Variants in CUBN observed in about 807,000 individuals in gnomAD.
The protein encoded by CUBN is 460 kDa receptor.
CUBN carries 282 observed loss-of-function variants against 405.3 expected under a neutral mutation model. The ratio of observed to expected loss-of-function variants is 0.70; its 90% confidence interval spans 0.63 to 0.77. CUBN has a LOEUF of 0.77. Ranked by LOEUF, CUBN falls within the 30% of genes least tolerant of loss-of-function variation. The pLI, the probability that CUBN is intolerant of heterozygous loss-of-function variation, is 0.00. For missense variants in CUBN, 4,514 were observed against 4,475.2 expected (o/e 1.01, Z -0.25); for synonymous variants, 1,684 against 1,617.0 (o/e 1.04, Z -0.99).
chr10:17,106,320 C>A (rs1029982373), intron 10 of CUBN, among the ~76,000 whole-genome samples: 2 of 149,072 alleles, frequency 1.3e-5, no homozygotes, highest in East Asian at 2.0e-4. Flanking sequence ...AATAATAATA[C>A]TAATAAAGAG....
intron 43 of CUBN, among the ~76,000 whole-genome samples, chr10:16,923,118 G>A (rs917777723): frequency 6.6e-5 from 10 of 152,030 alleles, no homozygotes; most frequent in South Asian, 4.2e-4. Context: ...GATTACAGGC[G>A]TGAACCACCG....
chr10:17,091,225 C>T (rs932743242), intron 14 of CUBN, among the ~76,000 whole-genome samples: 10 of 152,146 alleles, frequency 6.6e-5, no homozygotes, highest in South Asian at 4.1e-4. Context: ...TATTAACAAA[C>T]ACAACAAACA....
intron 32 of CUBN, 134 bp downstream of exon 32, chr10:16,954,255 T>C: frequency 1.9e-6 from 2 of 1,038,238 alleles, no homozygotes; most frequent in East Asian, 2.4e-5. Context: ...CACAGTTCTT[T>C]TGTTCTATTT....
intron 31 of CUBN, among the ~76,000 whole-genome samples, chr10:16,968,499 C>T (rs1055178022): frequency 2.6e-5 from 4 of 152,222 alleles, no homozygotes; most frequent in Non-Finnish European, 5.9e-5. Flanking sequence ...CCATGGTCGG[C>T]TTGCTTTGAG....
intron 58 of CUBN, among the ~76,000 whole-genome samples, chr10:16,871,990 C>T (rs765497212): frequency 9.2e-5 from 14 of 152,102 alleles, no homozygotes; most frequent in Non-Finnish European, 1.9e-4. Context: ...TTTGGGAGGC[C>T]GAGGCAGGTG....
intron 59 of CUBN, among the ~76,000 whole-genome samples, chr10:16,853,690 C>A (rs182528558): frequency 6.6e-6 from 1 of 152,180 alleles, no homozygotes; most frequent in African/African-American, 2.4e-5. Context: ...TATTCTGAAA[C>A]GTAAGCAATA....
At chr10:17,043,782 T>G (rs1490527902) in intron 26 of CUBN, 45 bp downstream of exon 26, 1 of 1,583,352 alleles carries the variant, frequency 6.3e-7, no homozygotes, top group Non-Finnish European at 8.6e-7. Context: ...TATTCACACT[T>G]ACTCTGCCAG....
chr10:16,847,725 A>T (rs1288475360), intron 60 of CUBN, among the ~76,000 whole-genome samples: 1 of 152,204 alleles, frequency 6.6e-6, no homozygotes, highest in African/African-American at 2.4e-5. Context: ...GACATGCACA[A>T]TTCACTACGT....
intron 58 of CUBN, among the ~76,000 whole-genome samples, chr10:16,873,443 T>C (rs1026980826): frequency 2.0e-5 from 3 of 152,118 alleles, no homozygotes; most frequent in African/African-American, 7.2e-5. Flanking sequence ...CCTTTGAGGC[T>C]GGGTGCGGTG....
intron 60 of CUBN, among the ~76,000 whole-genome samples, chr10:16,850,925 T>C (rs554766594): frequency 6.6e-6 from 1 of 152,354 alleles, no homozygotes; most frequent in South Asian, 2.1e-4. Context: ...GTCCTTTGAG[T>C]ATCTCTCTCC....
chr10:17,063,278 T>TA (rs986242156), intron 22 of CUBN, among the ~76,000 whole-genome samples: 4 of 152,188 alleles, frequency 2.6e-5, no homozygotes, highest in Admixed American at 1.3e-4. Context: ...TTGACTGTGT[T>TA]AGTCAGACCT....
intron 53 of CUBN, among the ~76,000 whole-genome samples, chr10:16,900,179 G>A (rs1841314376): frequency 6.6e-6 from 1 of 152,158 alleles, no homozygotes; most frequent in African/African-American, 2.4e-5. Flanking sequence ...TCTTTATGTT[G>A]TGGACTTATT....
intron 56 of CUBN, among the ~76,000 whole-genome samples, chr10:16,884,204 G>A (rs145892807): frequency 1.2e-4 from 18 of 151,956 alleles, no homozygotes; most frequent in Non-Finnish European, 2.4e-4. Flanking sequence ...GGATGTTCTC[G>A]ACCCCCTGAC....
At position 16,890,039 on chromosome 10, in the gene CUBN, G is replaced by A. The variant is rs140641971; in HGVS notation, c.8755+332C>T. On this transcript the variant is annotated intron_variant, in intron 55 of 66. Coordinates refer to ENST00000377833, the MANE Select transcript of CUBN (RefSeq NM_001081.4). The stretch of plus-strand genomic sequence containing the variant: ...TCTGCATGTGTTTCAAGCCCCCCAC[G>A]GGATTTTGTGGTCAAGGTGCCACAG... Among the ~76,000 whole-genome samples the A allele has an allele frequency of 5.7e-3, 870 of 151,642 alleles. 2 individuals are homozygous for A. The highest frequency in any genetic ancestry group is 0.02 in the African/African-American group (808 of 41,308).
chr10:16,948,369 ATC>A, intron 35 of CUBN, 107 bp downstream of exon 35: 1 of 1,446,268 alleles, frequency 6.9e-7, no homozygotes, highest in Non-Finnish European at 9.6e-7. Context: ...CCCAGAGGTG[ATC>A]TCAGGAAACT....
chr10:16,938,860 C>A (rs1842584768), intron 38 of CUBN, 103 bp downstream of exon 38: 2 of 1,013,640 alleles, frequency 2.0e-6, no homozygotes, highest in Non-Finnish European at 3.1e-6. Flanking sequence ...AGCAGACTAT[C>A]CCACATGATT....
chr10:16,930,213 T>G (rs1842322618), intron 40 of CUBN, among the ~76,000 whole-genome samples: 1 of 152,208 alleles, frequency 6.6e-6, no homozygotes, highest in African/African-American at 2.4e-5. Flanking sequence ...TTTACAGATA[T>G]AGACACTGAG....
chr10:17,091,927 G>A (rs554849409), intron 14 of CUBN, among the ~76,000 whole-genome samples: 2 of 152,170 alleles, frequency 1.3e-5, no homozygotes, highest in African/African-American at 2.4e-5. Context: ...TGCCTATGGA[G>A]TAGCCATTCT....
At chr10:17,041,292 T>TA (rs945634681) in intron 26 of CUBN, 72 bp from the exon 27 acceptor site, 294 of 1,235,956 alleles carry the variant, frequency 2.4e-4, no homozygotes, top group Non-Finnish European at 3.2e-4. Flanking sequence ...GATTTTCCTT[T>TA]AAAAAAAATA....
Sources: allele counts gnomAD v4.1 joint callset (sites outside exome capture counted in the v4.1 genomes callset), GRCh38; gene constraint gnomAD v4.1.1; transcripts MANE v1.5; gene names NCBI Gene and HGNC (gene_info 2026-07-23, HGNC 2026-07-21).